NRIP1: variants seen among roughly 807,000 people sequenced by gnomAD.
NRIP1 encodes nuclear receptor interacting protein 1, also known as nuclear receptor-interacting protein 1.
In NRIP1, 28 loss-of-function variants were observed where a neutral mutation model predicts 75.0. The ratio of observed to expected loss-of-function variants is 0.37; its 90% CI spans 0.28 to 0.51. The LOEUF (loss-of-function observed/expected upper bound fraction) is 0.51. Ranked by LOEUF, NRIP1 falls within the 20% of genes least tolerant of loss-of-function variation. The pLI is 0.92. For synonymous variants in NRIP1, 526 were observed against 487.6 expected (o/e 1.08, Z -1.04); for missense variants, 1,435 against 1,343.7 (o/e 1.07, Z -1.06).
At chr21:14,973,631 AATTTTG>A (rs1355769506) in intron 3 of NRIP1, among the ~76,000 whole-genome samples, 12 of 152,034 alleles carry the variant, frequency 7.9e-5, no homozygotes, top group African/African-American at 2.9e-4. Context: ...AGAAGTACTA[AATTTTG>A]ATTTCAGTAT....
chr21:15,048,039 T>C (rs962591029), intron 1 of NRIP1, among the ~76,000 whole-genome samples: 1 of 152,100 alleles, frequency 6.6e-6, no homozygotes, highest in Non-Finnish European at 1.5e-5. Context: ...GGAGATGAGA[T>C]GGGGGAACAG....
chr21:15,022,778 C>T (rs753881971), intron 2 of NRIP1, among the ~76,000 whole-genome samples: 1 of 152,100 alleles, frequency 6.6e-6, no homozygotes, highest in South Asian at 2.1e-4. Flanking sequence ...CATCAAGTTA[C>T]GACGTGACCC....
chr21:14,962,962 C>A lies in NRIP1; in HGVS notation c.*1754G>T, dbSNP rs1221879644. The A allele has an allele frequency of 2.6e-5, 4 of 152,274 alleles. No homozygotes were observed. In the Admixed American group the frequency reaches 2.6e-4, roughly 10 times the overall value. 9.4% of individuals were successfully genotyped at this position (152,274 alleles called of 1,614,324 possible). A position where few individuals can be genotyped will look rare whatever the true frequency, so the allele number is the denominator to read the frequency against. ...TGCTAACCTGGTTCACAATTAAGAA[C>A]AAAATATCTGGTGAATGAATTGTGG... On this transcript the variant is annotated 3_prime_UTR_variant, in exon 4 of 4. Transcript: ENST00000318948.
intron 2 of NRIP1, among the ~76,000 whole-genome samples, chr21:15,035,629 T>C (rs2088815352): frequency 6.7e-6 from 1 of 150,372 alleles, no homozygotes; most frequent in African/African-American, 2.5e-5. Flanking sequence ...CGATCTCGGC[T>C]CACTGCAACT....
intron 3 of NRIP1, among the ~76,000 whole-genome samples, chr21:14,975,802 A>G (rs1250911309): frequency 6.6e-6 from 1 of 152,018 alleles, no homozygotes; most frequent in Non-Finnish European, 1.5e-5. Context: ...TTTAAAGGAC[A>G]GTTGGGAATA....
intron 1 of NRIP1, among the ~76,000 whole-genome samples, chr21:15,055,248 T>TAC: frequency 6.6e-6 from 1 of 152,328 alleles, no homozygotes; most frequent in Non-Finnish European, 1.5e-5. Flanking sequence ...GGTGTTGGAA[T>TAC]ACTACTCATC....
At chr21:14,994,532 T>C (rs1027754814) in intron 3 of NRIP1, among the ~76,000 whole-genome samples, 2 of 152,222 alleles carry the variant, frequency 1.3e-5, no homozygotes, top group Non-Finnish European at 2.9e-5. Flanking sequence ...CTGAGTGATA[T>C]GACATGGATC....
At chr21:15,062,848 G>A (rs1978429834) in intron 1 of NRIP1, among the ~76,000 whole-genome samples, 2 of 152,120 alleles carry the variant, frequency 1.3e-5, no homozygotes, top group Admixed American at 6.5e-5. Flanking sequence ...CACTTCTTTA[G>A]TGCAAAGTTA....
At chr21:15,048,594 G>T (rs2089137749) in intron 1 of NRIP1, among the ~76,000 whole-genome samples, 2 of 152,126 alleles carry the variant, frequency 1.3e-5, no homozygotes, top group Admixed American at 1.3e-4. Context: ...TTTCCTATTA[G>T]GACATTACTT....
Position 14,963,543 on chromosome 21 carries a change from G to A in NRIP1, c.*1173C>T, listed in dbSNP as rs1217164535. 1 of 152,434 alleles carries A rather than the reference G, an allele frequency of 6.6e-6. No homozygotes were observed. The highest frequency in any genetic ancestry group is 1.5e-5 in the Non-Finnish European group (1 of 67,990). The allele number at this position is 152,434 out of a possible 1,614,324, so 9.4% of individuals were successfully genotyped here. A position where few individuals can be genotyped will look rare whatever the true frequency, so the allele number is the denominator to read the frequency against. On this transcript the variant is annotated 3_prime_UTR_variant, in exon 4 of 4. Coordinates refer to ENST00000318948, the MANE Select transcript of NRIP1 (RefSeq NM_003489.4). ...TTTTGAGCTGATGTGTGACTGTATT[G>A]GGGAAAATAGAGGCATCACATAGTT...
chr21:15,064,233 G>A (rs1034622707), intron 1 of NRIP1, among the ~76,000 whole-genome samples: 1 of 152,268 alleles, frequency 6.6e-6, no homozygotes, highest in Non-Finnish European at 1.5e-5. Context: ...AGCGGCCCGG[G>A]GTCGGGTGGG....
intron 3 of NRIP1, among the ~76,000 whole-genome samples, chr21:14,975,021 A>G (rs986977454): frequency 4.6e-5 from 7 of 152,066 alleles, no homozygotes; most frequent in African/African-American, 1.7e-4. Flanking sequence ...CTGAGGTGGG[A>G]GGATCACCTG....
At chr21:15,046,133 T>C (rs1299322981) in intron 1 of NRIP1, among the ~76,000 whole-genome samples, 1 of 152,222 alleles carries the variant, frequency 6.6e-6, no homozygotes, top group Non-Finnish European at 1.5e-5. Flanking sequence ...GCATCTAGAA[T>C]GGTGAATCCT....
chr21:15,049,602 C>T (rs1376210708), intron 1 of NRIP1, among the ~76,000 whole-genome samples: 1 of 151,982 alleles, frequency 6.6e-6, no homozygotes, highest in African/African-American at 2.4e-5. Context: ...AGTACATATG[C>T]AGACTGTGAA....
At chr21:15,034,201 T>C (rs2147278632) in intron 2 of NRIP1, among the ~76,000 whole-genome samples, 1 of 152,300 alleles carries the variant, frequency 6.6e-6, no homozygotes, top group African/African-American at 2.4e-5. Flanking sequence ...TGAGGAAATG[T>C]TGGTACTTTA....
At position 14,966,468 on chromosome 21, in the gene NRIP1, G is replaced by T. The variant is rs1389509493; in HGVS notation, c.1725C>A (p.Ile575=). ...AGACATATGGTGGGGAATTCCATTT[G>T]ATGACCAGAGAGTGTTGAGAGAGAT... ...PINLSQHSLV[I]KWNSPPYVCS... Residue 575 remains isoleucine (I), a synonymous_variant, in exon 4 of 4, where the codon ATC becomes ATA. Coordinates refer to ENST00000318948, the MANE Select transcript of NRIP1 (RefSeq NM_003489.4). 6.2e-7 allele frequency: 1 copy of T among 1,614,070 alleles called. No homozygotes were observed. The highest frequency in any genetic ancestry group is 1.3e-5 in the African/African-American group (1 of 75,030).
intron 2 of NRIP1, among the ~76,000 whole-genome samples, chr21:15,014,827 T>TAAA (rs56153791): frequency 1.2e-3 from 173 of 144,560 alleles, no homozygotes; most frequent in African/African-American, 4.0e-3. Context: ...GTGTATTTCT[T>TAAA]AAAAAAAAAA....
At chr21:14,984,363 G>T (rs2087330643) in intron 3 of NRIP1, among the ~76,000 whole-genome samples, 1 of 145,654 alleles carries the variant, frequency 6.9e-6, no homozygotes, top group Middle Eastern at 3.6e-3. Context: ...AGGAGTTGTT[G>T]CGGGTTTTTT....
chr21:15,065,321 C>A (rs1453843425), upstream of NRIP1, among the ~76,000 whole-genome samples: 2 of 151,816 alleles, frequency 1.3e-5, no homozygotes, highest in African/African-American at 2.4e-5. Context: ...AGAGGGGCTG[C>A]ACGGCGCGCC....
Sources: allele counts gnomAD v4.1 joint callset (sites outside exome capture counted in the v4.1 genomes callset), GRCh38; gene constraint gnomAD v4.1.1; transcripts MANE v1.5; gene names NCBI Gene and HGNC (gene_info 2026-07-23, HGNC 2026-07-21).